DENND2C: variants seen among roughly 807,000 people sequenced by gnomAD.
DENND2C encodes the protein DENN domain containing 2C.
DENND2C carries 72 observed loss-of-function variants against 112.4 expected under a neutral mutation model. The observed-to-expected ratio is 0.64, with a 90% confidence interval of 0.53 to 0.78. The LOEUF (loss-of-function observed/expected upper bound fraction) is 0.78, where lower values mean the gene tolerates loss of function less well. Ranked by LOEUF, DENND2C falls within the 30% of genes least tolerant of loss-of-function variation. The pLI, the probability that DENND2C is intolerant of heterozygous loss-of-function variation, is 0.00. For synonymous variants in DENND2C, 329 were observed against 381.6 expected, an observed-to-expected ratio of 0.86 and a Z score of 1.61; for missense variants, 992 against 1,113.8, an observed-to-expected ratio of 0.89 and a Z score of 1.56.
chr1:114,587,674 T>C, intron 19 of DENND2C, 42 bp downstream of exon 19: 1 of 1,522,164 alleles, frequency 6.6e-7, no homozygotes, highest in East Asian at 2.3e-5. Context: ...TCTTTCAAGG[T>C]ATTCACTAAA....
In DENND2C at chr1:114,591,073, C is replaced by T. The variant is rs184542903; in HGVS notation, c.2432-3121G>A. ...CCTCAAATTCCTGGGCGCAAGTGAT[C>T]CTTCCACCCAAGCCTCCTGAGTAGT... is the stretch of plus-strand genomic sequence containing the variant. On this transcript the variant is annotated intron_variant, in intron 18 of 20. Transcript: ENST00000393274. 8.4e-4 allele frequency among the ~76,000 whole-genome samples: 127 copies of T among 151,980 alleles called. 1 individual carries two copies. The highest frequency in any genetic ancestry group is 2.8e-3 in the African/African-American group (116 of 41,486).
intron 3 of DENND2C, among the ~76,000 whole-genome samples, chr1:114,631,308 G>A (rs1656482040): frequency 6.6e-6 from 1 of 152,076 alleles, no homozygotes; most frequent in Admixed American, 6.5e-5. Context: ...CACAGGAGGA[G>A]GAGGTTGCAG....
intron 2 of DENND2C, among the ~76,000 whole-genome samples, chr1:114,649,879 G>C (rs755538668): frequency 2.0e-5 from 3 of 152,174 alleles, no homozygotes; most frequent in African/African-American, 4.8e-5. Flanking sequence ...GAGGAAACAG[G>C]AGAAAAATAC....
intron 4 of DENND2C, among the ~76,000 whole-genome samples, chr1:114,623,884 G>A (rs1656258975): frequency 6.6e-6 from 1 of 152,070 alleles, no homozygotes; most frequent in African/African-American, 2.4e-5. Flanking sequence ...TTAGAGGCGC[G>A]TGCCACCATG....
intron 8 of DENND2C, among the ~76,000 whole-genome samples, chr1:114,617,155 G>A (rs955955536): frequency 6.6e-6 from 1 of 152,254 alleles, no homozygotes. Context: ...TTCAAGTTGA[G>A]ATTTGGGTGG....
At chr1:114,633,281 C>A (rs1656545182) in intron 3 of DENND2C, among the ~76,000 whole-genome samples, 1 of 151,594 alleles carries the variant, frequency 6.6e-6, no homozygotes, top group Non-Finnish European at 1.5e-5. Context: ...CCCGTCCCTA[C>A]TAAAAATACA....
In DENND2C at chr1:114,625,915, T is replaced by A; in HGVS notation, c.70A>T (p.Lys24Ter). The A allele has an allele frequency of 1.2e-6, 2 of 1,614,124 alleles. No individual in the cohort carries two copies. The highest frequency in any genetic ancestry group is 1.7e-6 in the Non-Finnish European group (2 of 1,179,988). ...GCCCTTCCTTCCCATTGAGAAATTT[T>A]TTGTTTGATGTTTTTGCAGTGGCTT... ...SRSHCKNIKQ[K>*]ISQWEGRANG... The change falls in exon 4 of 21, where the codon AAA becomes TAA. Residue 24 changes from lysine to a stop codon, truncating the protein, a stop_gained. Transcript: ENST00000393274. LOFTEE classifies it high-confidence loss of function.
chr1:114,639,158 G>A (rs1343514166), intron 3 of DENND2C, among the ~76,000 whole-genome samples: 1 of 152,094 alleles, frequency 6.6e-6, no homozygotes, highest in Non-Finnish European at 1.5e-5. Context: ...CACTAGAATG[G>A]CTAAAATTTA....
chr1:114,643,130 T>C (rs990728370), intron 3 of DENND2C, among the ~76,000 whole-genome samples: 8 of 152,130 alleles, frequency 5.3e-5, no homozygotes, highest in Non-Finnish European at 1.2e-4. Context: ...GGAGGTAGTA[T>C]GAATAGTGAC....
rs772536482 is a variant in DENND2C, at chr1:114,618,370, G to A, written c.1324+16C>T. On this transcript the variant is annotated intron_variant, in intron 8 of 20. Transcript: ENST00000393274. ...CTGACAGCTACAGGATAGCTGGAAC[G>A]AAAAACAATTCTTACCTTTTGTCGG... 7 of 1,524,214 alleles carry A rather than the reference G, an allele frequency of 4.6e-6. No homozygotes were observed. The highest frequency in any genetic ancestry group is 4.2e-5 in the Admixed American group (2 of 47,744). The allele number at this position is 1,524,214 out of a possible 1,614,324, so 94.4% of individuals were successfully genotyped here. A position where few individuals can be genotyped will look rare whatever the true frequency, so the allele number is the denominator to read the frequency against.
intron 1 of DENND2C, among the ~76,000 whole-genome samples, chr1:114,669,338 T>A (rs1045199007): frequency 6.6e-6 from 1 of 152,130 alleles, no homozygotes; most frequent in Non-Finnish European, 1.5e-5. Context: ...GGAAGTTAAT[T>A]TGGCCGAGGT....
At chr1:114,644,803 C>T (rs965908226) in intron 3 of DENND2C, among the ~76,000 whole-genome samples, 1 of 152,088 alleles carries the variant, frequency 6.6e-6, no homozygotes, top group Non-Finnish European at 1.5e-5. Context: ...TAGCACATAA[C>T]ATACTACCTT....
chr1:114,617,647 T>C (rs1656011619), intron 8 of DENND2C, among the ~76,000 whole-genome samples: 1 of 145,372 alleles, frequency 6.9e-6, no homozygotes, highest in Non-Finnish European at 1.5e-5. Flanking sequence ...GAGTACCACA[T>C]ACCTTCAGTC....
In DENND2C at chr1:114,626,141, G is replaced by T. The variant is rs918923252; in HGVS notation, c.-157C>A. On this transcript the variant is annotated 5_prime_UTR_variant, in exon 4 of 21. Transcript: ENST00000393274. The stretch of plus-strand genomic sequence containing the variant: ...AATCTCTTTGTAAAAAGAAAATTTT[G>T]ATCAGTGATCCTTGTTGAAAATGGC... 9.9e-6 allele frequency: 7 copies of T among 705,828 alleles called. No homozygotes were observed. In the African/African-American group the frequency reaches 1.2e-4, roughly 13 times the overall value. The allele number at this position is 705,828 out of a possible 1,614,324, so 43.7% of individuals were successfully genotyped here.
At chr1:114,608,607 A>G in intron 10 of DENND2C, 79 bp downstream of exon 10, 1 of 1,502,310 alleles carries the variant, frequency 6.7e-7, no homozygotes, top group Non-Finnish European at 9.0e-7. Flanking sequence ...TGAGATAACA[A>G]AAACCAAGAG....
intron 3 of DENND2C, among the ~76,000 whole-genome samples, chr1:114,636,040 T>C (rs141882348): frequency 5.8e-4 from 87 of 149,822 alleles, no homozygotes; most frequent in African/African-American, 2.1e-3. Flanking sequence ...TATAAAAATA[T>C]ATAATATATA....
At chr1:114,592,706 C>T (rs769513553) in intron 18 of DENND2C, among the ~76,000 whole-genome samples, 22 of 152,014 alleles carry the variant, frequency 1.4e-4, no homozygotes, top group Non-Finnish European at 8.8e-5. Context: ...GGTGACAAAG[C>T]GAGACCCTGT....
intron 7 of DENND2C, among the ~76,000 whole-genome samples, chr1:114,619,597 T>C (rs1213080394): frequency 6.6e-6 from 1 of 151,794 alleles, no homozygotes; most frequent in Non-Finnish European, 1.5e-5. Flanking sequence ...TTGGATGAGT[T>C]TGTGCTCTTA....
chr1:114,630,894 C>G (rs1490524560), intron 3 of DENND2C, among the ~76,000 whole-genome samples: 1 of 152,026 alleles, frequency 6.6e-6, no homozygotes, highest in East Asian at 1.9e-4. Context: ...CATTGAATGC[C>G]CAGGTAATTC....
Sources: gnomAD v4.1 joint callset for allele counts (sites outside exome capture counted in the v4.1 genomes callset) on GRCh38, gnomAD v4.1.1 for gene constraint, MANE v1.5 for transcripts, NCBI Gene and HGNC (gene_info 2026-07-23, HGNC 2026-07-21) for gene names.